Variants in DLGAP1 observed in about 807,000 individuals in gnomAD.
DLGAP1 encodes the protein disks large-associated protein 1.
Under a neutral mutation model 90.8 loss-of-function variants are expected in DLGAP1, and 11 were observed. The ratio of observed to expected loss-of-function variants is 0.12; its 90% CI spans 0.08 to 0.20. The LOEUF (loss-of-function observed/expected upper bound fraction) is 0.20, where lower values mean the gene tolerates loss of function less well. Among genes scored for constraint, DLGAP1 ranks in the 10% least tolerant of loss-of-function variants. DLGAP1 has a pLI of 1.00. For missense variants in DLGAP1, 1,050 were observed against 1,333.8 expected (o/e 0.79, Z 3.31); for synonymous variants, 558 against 540.7 (o/e 1.03, Z -0.44).
intron 1 of DLGAP1, chr18:4,294,087 A>G (rs1007900758): frequency 6.6e-6 from 1 of 152,086 alleles, no homozygotes; most frequent in Middle Eastern, 3.4e-3. Context: ...TTTGTTTCCC[A>G]CTTGTGATTC....
At chr18:3,871,598 C>G (rs1288225223) in intron 4 of DLGAP1, among the ~76,000 whole-genome samples, 1 of 152,092 alleles carries the variant, frequency 6.6e-6, no homozygotes, top group Non-Finnish European at 1.5e-5. Flanking sequence ...TATTCTTACA[C>G]CAGAGAAGCA....
intron 7 of DLGAP1, among the ~76,000 whole-genome samples, chr18:3,701,757 T>G (rs778262787): frequency 1.5e-4 from 23 of 152,164 alleles, no homozygotes; most frequent in Non-Finnish European, 2.6e-4. Context: ...ATATTTTGGG[T>G]TCAGAGCAAA....
intron 5 of DLGAP1, among the ~76,000 whole-genome samples, chr18:3,763,561 C>G (rs1263213303): frequency 6.6e-6 from 1 of 152,102 alleles, no homozygotes; most frequent in Non-Finnish European, 1.5e-5. Context: ...CTGGTAAGCT[C>G]TTTTTGGGTG....
chr18:3,580,696 T>C, intron 8 of DLGAP1: 1 of 1,613,256 alleles, frequency 6.2e-7, no homozygotes. Flanking sequence ...GTGGCCACAA[T>C]GATCACAGTC....
rs558458472 is a variant in DLGAP1 at position 3,999,712 on chromosome 18, T to C, written c.-73+5404A>G. Among the ~76,000 whole-genome samples, 35 of 15,450 alleles carry C rather than the reference T, an allele frequency of 2.3e-3. No homozygotes were observed. The Admixed American group carries it at 0.027, about 12-fold the overall frequency. 10.1% of individuals were successfully genotyped at this position (15,450 alleles called of 152,430 possible). Reference sequence around the variant, plus strand: ...GTATATTTCAAGTGTCGCTTACAAATTATTGGGGGGAAAAGTGGCCCTTCA... The same window carrying C: ...GTATATTTCAAGTGTCGCTTACAAACTATTGGGGGGAAAAGTGGCCCTTCA... On this transcript the variant is annotated intron_variant, in intron 3 of 12. Transcript: ENST00000315677.
chr18:3,554,795 G>A (rs1031722540), intron 9 of DLGAP1, among the ~76,000 whole-genome samples: 2 of 152,160 alleles, frequency 1.3e-5, no homozygotes, highest in Non-Finnish European at 2.9e-5. Context: ...TCAGTTAGGT[G>A]GGCCTTGCTG....
intron 7 of DLGAP1, among the ~76,000 whole-genome samples, chr18:3,589,404 C>T (rs1385485981): frequency 1.3e-5 from 2 of 152,104 alleles, no homozygotes; most frequent in African/African-American, 2.4e-5. Flanking sequence ...TATTCATAAA[C>T]CCTTACCAGC....
At chr18:4,226,140 T>C (rs2078182101) in intron 1 of DLGAP1, among the ~76,000 whole-genome samples, 1 of 152,132 alleles carries the variant, frequency 6.6e-6, no homozygotes, top group East Asian at 1.9e-4. Context: ...AGTGGCCTTA[T>C]ATATATACTG....
chr18:4,110,791 A>G (rs751404310), intron 2 of DLGAP1, among the ~76,000 whole-genome samples: 2 of 152,148 alleles, frequency 1.3e-5, no homozygotes, highest in Admixed American at 6.5e-5. Flanking sequence ...TTTGCTTTTT[A>G]TATTTTTCAC....
chr18:4,062,661 G>A (rs928856879), intron 2 of DLGAP1, among the ~76,000 whole-genome samples: 1 of 152,096 alleles, frequency 6.6e-6, no homozygotes, highest in Non-Finnish European at 1.5e-5. Context: ...CAGGCCAAGT[G>A]TAATAAGACT....
intron 1 of DLGAP1, among the ~76,000 whole-genome samples, chr18:4,318,463 C>A (rs2080589183): frequency 6.6e-6 from 1 of 152,162 alleles, no homozygotes; most frequent in South Asian, 2.1e-4. Context: ...CAAGTGCAGG[C>A]TGAATCTAGA....
chr18:3,628,519 T>G (rs1421114788), intron 7 of DLGAP1, among the ~76,000 whole-genome samples: 1 of 152,106 alleles, frequency 6.6e-6, no homozygotes, highest in East Asian at 1.9e-4. Context: ...AAATGAAGAT[T>G]CCGAAACCAC....
At chr18:3,558,092 C>T (rs1325315586) in intron 9 of DLGAP1, among the ~76,000 whole-genome samples, 1 of 152,180 alleles carries the variant, frequency 6.6e-6, no homozygotes. Flanking sequence ...AGTGTTGTTG[C>T]ATTCAACTGT....
Position 3,879,021 on chromosome 18 carries a change from C to A in DLGAP1, c.957+91G>T. ...CAGGTTCCTATCTTAATAGACAATTCAGAGTAGTGCCAAGACTAGAACCAG... is the reference window on the plus strand; with the variant it reads ...CAGGTTCCTATCTTAATAGACAATTAAGAGTAGTGCCAAGACTAGAACCAG... On this transcript the variant is annotated intron_variant, in intron 4 of 12. Transcript: ENST00000315677. The surrounding 1 kb of genome is among the most constrained non-coding windows in gnomAD (Gnocchi z 6.6). The A allele has an allele frequency of 1.8e-6, 2 of 1,106,880 alleles. No individual in the cohort carries two copies. Among genetic ancestry groups the A allele is most frequent in the Non-Finnish European group, 2.5e-6 (2 of 807,298 alleles). The allele number at this position is 1,106,880 out of a possible 1,614,324, so 68.6% of individuals were successfully genotyped here.
At chr18:4,160,281 T>C (rs529766430) in intron 1 of DLGAP1, among the ~76,000 whole-genome samples, 1 of 152,188 alleles carries the variant, frequency 6.6e-6, no homozygotes, top group South Asian at 2.1e-4. Context: ...GGCATTTTTT[T>C]CTTAAAATCT....
At chr18:3,730,384 C>T (rs77434094) in intron 6 of DLGAP1, among the ~76,000 whole-genome samples, 8,234 of 151,812 alleles carry the variant, frequency 0.054, 731 homozygotes, top group African/African-American at 0.19. Context: ...CTTTTTTTGA[C>T]GAATAAGTTT....
rs779679062 is a variant in DLGAP1, at chr18:3,660,610, T to C, written c.1591+68525A>G. Among the ~76,000 whole-genome samples the C allele has an allele frequency of 1.3e-5, 2 of 152,254 alleles. No individual in the cohort carries two copies. The highest frequency in any genetic ancestry group is 2.4e-5 in the African/African-American group (1 of 41,472). ...ATTTCAATTATGGATGTTATTGAGC[T>C]GAGTACTGAGATTTCATTATATTGA... On this transcript the variant is annotated intron_variant, in intron 7 of 12. Coordinates refer to ENST00000315677, the MANE Select transcript of DLGAP1 (RefSeq NM_004746.4). The surrounding 1 kb of genome is among the most constrained non-coding windows in gnomAD (Gnocchi z 4.2).
At chr18:3,821,114 A>G (rs2067382613) in intron 4 of DLGAP1, among the ~76,000 whole-genome samples, 1 of 151,994 alleles carries the variant, frequency 6.6e-6, no homozygotes, top group African/African-American at 2.4e-5. Context: ...GCAAGACCCC[A>G]TCTCTACAAA....
intron 7 of DLGAP1, among the ~76,000 whole-genome samples, chr18:3,688,029 C>A (rs1012962293): frequency 1.3e-5 from 2 of 151,764 alleles, no homozygotes; most frequent in African/African-American, 4.8e-5. Context: ...GCCTCAGCCT[C>A]CCGAGTAGCT....
Sources: gnomAD v4.1 joint callset for allele counts (sites outside exome capture counted in the v4.1 genomes callset) on GRCh38, gnomAD v4.1.1 for gene constraint, Gnocchi (gnomAD v3.1) non-coding constraint, MANE v1.5 for transcripts, NCBI Gene and HGNC (gene_info 2026-07-23, HGNC 2026-07-21) for gene names.